Variants in XRN1 observed in about 807,000 individuals in gnomAD.
XRN1 encodes 5'-3' exoribonuclease 1, also known as strand-exchange protein 1 homolog.
In XRN1, 67 loss-of-function variants were observed where a neutral mutation model predicts 222.3. The observed-to-expected ratio is 0.30, with a 90% confidence interval of 0.25 to 0.37. The LOEUF (loss-of-function observed/expected upper bound fraction) is 0.37. XRN1 is among the 10% of genes least tolerant of loss of function. The pLI is 1.00. For synonymous variants in XRN1, 643 were observed against 652.4 expected (o/e 0.99, Z 0.22); for missense variants, 1,707 against 2,000.2 (o/e 0.85, Z 2.80).
chr3:142,333,921 C>A (rs549524141), intron 34 of XRN1, among the ~76,000 whole-genome samples: 18 of 152,102 alleles, frequency 1.2e-4, no homozygotes, highest in African/African-American at 4.1e-4. Flanking sequence ...TCTGCTAGTG[C>A]CTTGATCTTG....
rs150011440 is a variant in XRN1 at position 142,447,522 on chromosome 3, G to T, written c.75+348C>A. 6.6e-6 allele frequency among the ~76,000 whole-genome samples: 1 copy of T among 152,302 alleles called. No homozygotes were observed. The highest frequency in any genetic ancestry group is 1.9e-4 in the East Asian group (1 of 5,164). On this transcript the variant is annotated intron_variant, in intron 1 of 40. Transcript: ENST00000392981. This position sits in a 1 kb window ranked among gnomAD's most constrained non-coding sequence, Gnocchi z 4.2. Reference sequence around the variant, plus strand: ...CGAGGACACCCACTCCAGCTTCGCAGCCTCTGTAAGGAAAAAGGCAACTTG... The same window carrying T: ...CGAGGACACCCACTCCAGCTTCGCATCCTCTGTAAGGAAAAAGGCAACTTG...
chr3:142,323,892 A>G (rs1208638442), intron 37 of XRN1, among the ~76,000 whole-genome samples: 1 of 151,974 alleles, frequency 6.6e-6, no homozygotes, highest in Non-Finnish European at 1.5e-5. Context: ...TAGTTTTATG[A>G]ATACATAATA....
chr3:142,432,205 ATAAT>A (rs546739825), intron 2 of XRN1, among the ~76,000 whole-genome samples: 1,815 of 107,140 alleles, frequency 0.017, 71 homozygotes, highest in African/African-American at 0.054. Context: ...TATTTTATAT[ATAAT>A]TAATTATATA....
At chr3:142,424,591 T>C (rs2069173367) in intron 5 of XRN1, among the ~76,000 whole-genome samples, 1 of 152,210 alleles carries the variant, frequency 6.6e-6, no homozygotes, top group South Asian at 2.1e-4. Flanking sequence ...ATTTCTGTTT[T>C]AGGTGGGATG....
intron 31 of XRN1, among the ~76,000 whole-genome samples, chr3:142,356,150 C>G (rs1447060374): frequency 6.6e-6 from 1 of 152,158 alleles, no homozygotes; most frequent in Admixed American, 6.5e-5. Flanking sequence ...AATACATTCT[C>G]TCACTCAAAT....
intron 35 of XRN1, 112 bp downstream of exon 35, chr3:142,332,855 T>C: frequency 6.9e-7 from 1 of 1,446,724 alleles, no homozygotes; most frequent in Non-Finnish European, 9.3e-7. Context: ...ACAATAATGA[T>C]GTAACATACC....
intron 33 of XRN1, among the ~76,000 whole-genome samples, chr3:142,341,092 T>C (rs2065979733): frequency 6.6e-6 from 1 of 152,188 alleles, no homozygotes; most frequent in African/African-American, 2.4e-5. Flanking sequence ...ATGACAACTT[T>C]TCAAGGCATA....
intron 20 of XRN1, 48 bp from the exon 21 acceptor site, chr3:142,384,733 A>C: frequency 7.3e-7 from 1 of 1,377,988 alleles, no homozygotes; most frequent in Non-Finnish European, 9.8e-7. Context: ...GAGTATGCAG[A>C]TATTCTAGGA....
chr3:142,357,758 T>C, intron 30 of XRN1, among the ~76,000 whole-genome samples: 1 of 150,326 alleles, frequency 6.7e-6, no homozygotes, highest in East Asian at 2.1e-4. Context: ...GGAGCGGGCA[T>C]GGTGGTTCAT....
At chr3:142,337,205 C>T (rs1454533022) in intron 33 of XRN1, among the ~76,000 whole-genome samples, 7 of 152,164 alleles carry the variant, frequency 4.6e-5, no homozygotes, top group Admixed American at 4.6e-4. Context: ...ATTAGGGTCT[C>T]TGCTGGAATC....
chr3:142,322,576 C>T (rs1419986711), intron 37 of XRN1, among the ~76,000 whole-genome samples: 4 of 152,088 alleles, frequency 2.6e-5, no homozygotes, highest in Non-Finnish European at 5.9e-5. Context: ...GTCCCAGCTA[C>T]TCAGGAGGCA....
chr3:142,380,003 CA>C, intron 23 of XRN1, 78 bp downstream of exon 23: 1 of 1,074,712 alleles, frequency 9.3e-7, no homozygotes, highest in Non-Finnish European at 1.3e-6. Context: ...GAAATAAATT[CA>C]AAGGAGGTGG....
chr3:142,398,869 G>A (rs1345536006), intron 19 of XRN1, among the ~76,000 whole-genome samples: 2 of 151,968 alleles, frequency 1.3e-5, no homozygotes, highest in South Asian at 2.1e-4. Context: ...AATATTCTAA[G>A]ATATAAAATC....
At chr3:142,388,795 C>T (rs961305486) in intron 20 of XRN1, among the ~76,000 whole-genome samples, 25 of 152,226 alleles carry the variant, frequency 1.6e-4, no homozygotes, top group African/African-American at 6.0e-4. Flanking sequence ...TCTGCCACTG[C>T]TTTTCAACTA....
chr3:142,329,277 T>C (rs977434313), intron 37 of XRN1, among the ~76,000 whole-genome samples, 157 bp downstream of exon 37: 2 of 152,118 alleles, frequency 1.3e-5, no homozygotes, highest in African/African-American at 4.8e-5. Flanking sequence ...TGGTTATGTA[T>C]AAATATTAGA....
At chr3:142,332,327 T>C (rs372580590) in intron 36 of XRN1, 48 bp downstream of exon 36, 89 of 1,341,434 alleles carry the variant, frequency 6.6e-5, no homozygotes, top group Middle Eastern at 5.2e-4. Flanking sequence ...ACCAAATGAA[T>C]TGAATTTTTA....
At chr3:142,366,422 G>T (rs1202291689) in intron 27 of XRN1, among the ~76,000 whole-genome samples, 3 of 152,004 alleles carry the variant, frequency 2.0e-5, no homozygotes, top group Non-Finnish European at 2.9e-5. Flanking sequence ...TTGTTATGAG[G>T]CATTTCATTT....
chr3:142,312,827 T>A (rs1489032053), intron 39 of XRN1, 69 bp from the exon 40 acceptor site: 2 of 1,489,110 alleles, frequency 1.3e-6, no homozygotes, highest in Non-Finnish European at 1.8e-6. Flanking sequence ...ATTTGAGACC[T>A]CCTTCTGCTA....
At chr3:142,418,379 T>C in intron 12 of XRN1, 125 bp downstream of exon 12, 1 of 673,848 alleles carries the variant, frequency 1.5e-6, no homozygotes. Context: ...AGTTGAAACA[T>C]ACACAATAAT....
Sources: gnomAD v4.1 joint callset for allele counts (sites outside exome capture counted in the v4.1 genomes callset) on GRCh38, gnomAD v4.1.1 for gene constraint, Gnocchi (gnomAD v3.1) non-coding constraint, MANE v1.5 for transcripts, NCBI Gene and HGNC (gene_info 2026-07-23, HGNC 2026-07-21) for gene names.